Variants in ASTN2 observed in about 807,000 individuals in gnomAD.
ASTN2 encodes astrotactin 2.
Under a neutral mutation model 139.8 loss-of-function variants are expected in ASTN2, and 54 were observed. The ratio of observed to expected loss-of-function variants is 0.39; its 90% CI spans 0.31 to 0.48. ASTN2 has a LOEUF of 0.48. Among genes scored for constraint, ASTN2 ranks in the 20% least tolerant of loss-of-function variants. The pLI is 0.95. For missense variants in ASTN2, 1,565 were observed against 1,725.1 expected (o/e 0.91, Z 1.64); for synonymous variants, 756 against 719.5 (o/e 1.05, Z -0.81).
At chr9:116,561,183 C>G (rs1228699323) in intron 19 of ASTN2, among the ~76,000 whole-genome samples, 2 of 152,094 alleles carry the variant, frequency 1.3e-5, no homozygotes, top group East Asian at 3.9e-4. Context: ...TCCCTCTTGC[C>G]TAATATCCTC....
intron 16 of ASTN2, among the ~76,000 whole-genome samples, chr9:116,682,290 G>A (rs1293820298): frequency 6.6e-6 from 1 of 152,122 alleles, no homozygotes; most frequent in Non-Finnish European, 1.5e-5. Context: ...CACCATCACT[G>A]GCCATCAGAG....
At chr9:116,798,586 A>G (rs1292948634) in intron 13 of ASTN2, among the ~76,000 whole-genome samples, 10 of 152,174 alleles carry the variant, frequency 6.6e-5, no homozygotes, top group African/African-American at 2.4e-4. Flanking sequence ...TCAGTGTCTT[A>G]CAATGTGCTG....
At chr9:116,597,658 C>G (rs1854659371) in intron 19 of ASTN2, among the ~76,000 whole-genome samples, 1 of 151,696 alleles carries the variant, frequency 6.6e-6, no homozygotes, top group Admixed American at 6.6e-5. Flanking sequence ...TCAGTCAAGT[C>G]ACTTTTCTTC....
chr9:116,443,787 A>C (rs1457802665), intron 20 of ASTN2, among the ~76,000 whole-genome samples: 1 of 152,146 alleles, frequency 6.6e-6, no homozygotes, highest in Non-Finnish European at 1.5e-5. Context: ...GGGTAGAGGC[A>C]GTAGTGTGAA....
chr9:116,565,412 TA>T lies in ASTN2; in HGVS notation c.3355+52911del, dbSNP rs1564120508. ...CCATATATATATATATATATATATA[TA>T]TATATATATATATATATTTATTTAT... On this transcript the variant is annotated intron_variant, in intron 19 of 22. Transcript: ENST00000313400. Among the ~76,000 whole-genome samples the T allele has an allele frequency of 3.2e-4, 41 of 127,280 alleles. 2 individuals carry two copies. The highest frequency in any genetic ancestry group is 1.2e-3 in the African/African-American group (40 of 32,982). The allele number at this position is 127,280 out of a possible 152,430, so 83.5% of individuals were successfully genotyped here. A position where few individuals can be genotyped will look rare whatever the true frequency, so the allele number is the denominator to read the frequency against.
chr9:116,877,102 G>A (rs1204706844), intron 10 of ASTN2, among the ~76,000 whole-genome samples: 51 of 152,126 alleles, frequency 3.4e-4, no homozygotes, highest in Admixed American at 3.3e-3. Flanking sequence ...TACCCTATTT[G>A]GAAAAGTTTA....
At chr9:117,411,645 T>C (rs906229825) in intron 1 of ASTN2, among the ~76,000 whole-genome samples, 29 of 152,266 alleles carry the variant, frequency 1.9e-4, no homozygotes, top group African/African-American at 6.5e-4. Flanking sequence ...TCTTTTTGTT[T>C]GTCCCCCTTT....
intron 7 of ASTN2, among the ~76,000 whole-genome samples, chr9:117,004,490 C>T (rs7041743): frequency 0.91 from 138,534 of 152,122 alleles, 64,369 homozygotes; most frequent in Non-Finnish European, 1. Context: ...GAGGGAATGG[C>T]GGTTATAAAG....
chr9:117,321,813 C>T (rs1052001549), intron 1 of ASTN2, among the ~76,000 whole-genome samples: 4 of 152,164 alleles, frequency 2.6e-5, no homozygotes, highest in Non-Finnish European at 4.4e-5. Flanking sequence ...GGATGTTGAG[C>T]AGCCTCCCTG....
chr9:116,826,400 G>A (rs1588325655), intron 11 of ASTN2, among the ~76,000 whole-genome samples: 1 of 152,138 alleles, frequency 6.6e-6, no homozygotes, highest in African/African-American at 2.4e-5. Context: ...CAGGCTTGGG[G>A]CCGAGTTTGA....
At chr9:117,290,032 C>T (rs1217490056) in intron 2 of ASTN2, among the ~76,000 whole-genome samples, 3 of 152,186 alleles carry the variant, frequency 2.0e-5, no homozygotes, top group Non-Finnish European at 4.4e-5. Context: ...AAAGGTCGCT[C>T]CGTTGTGGAG....
At chr9:117,347,656 T>C (rs771651884) in intron 1 of ASTN2, among the ~76,000 whole-genome samples, 1 of 152,134 alleles carries the variant, frequency 6.6e-6, no homozygotes, top group Non-Finnish European at 1.5e-5. Flanking sequence ...ATAAAGCAAA[T>C]GTTTTTTCTG....
At chr9:117,099,469 T>C (rs953338079) in intron 4 of ASTN2, among the ~76,000 whole-genome samples, 1 of 152,234 alleles carries the variant, frequency 6.6e-6, no homozygotes, top group Non-Finnish European at 1.5e-5. Flanking sequence ...GACTTTATTC[T>C]TTCCCTACTG....
intron 2 of ASTN2, among the ~76,000 whole-genome samples, chr9:117,278,921 T>C (rs1834260449): frequency 6.6e-6 from 1 of 152,146 alleles, no homozygotes; most frequent in Non-Finnish European, 1.5e-5. Flanking sequence ...GAGATTTAGA[T>C]GGGAAGGCCA....
Position 116,440,782 on chromosome 9 carries a change from G to C in ASTN2, c.3609C>G (p.Asp1203Glu). 6.2e-7 allele frequency: 1 copy of C among 1,613,138 alleles called. No individual in the cohort carries two copies. Among genetic ancestry groups the C allele is most frequent in the East Asian group, 2.2e-5 (1 of 44,852 alleles). ...ACCCATTGTACAGATTGTAGATCTT[G>C]TCAGCTATTTCTGAGAGGGCAGAAG... is the stretch of plus-strand genomic sequence containing the variant. Reference protein sequence around the residue: ...VDDNKAEEIADKIYNLYNGYT... With the variant: ...VDDNKAEEIAEKIYNLYNGYT... Residue 1203 changes from aspartate (D) to glutamate (E), a missense_variant, in exon 22 of 23, where the codon GAC becomes GAG. This residue lies in a region of ASTN2 where 418 missense variants were observed against 465.8 expected (regional missense o/e 0.90). Coordinates refer to ENST00000313400, the MANE Select transcript of ASTN2 (RefSeq NM_001365068.1).
intron 19 of ASTN2, among the ~76,000 whole-genome samples, chr9:116,575,823 T>C (rs1316897631): frequency 6.6e-6 from 1 of 152,108 alleles, no homozygotes; most frequent in Non-Finnish European, 1.5e-5. Flanking sequence ...ACAGATTCAT[T>C]GCATAGTGAG....
chr9:117,189,516 T>C (rs1831293214), intron 3 of ASTN2, among the ~76,000 whole-genome samples: 1 of 152,202 alleles, frequency 6.6e-6, no homozygotes, highest in Non-Finnish European at 1.5e-5. Context: ...TGGGTCTCTG[T>C]TGAATGAAAT....
chr9:117,292,185 A>T (rs543207778), intron 1 of ASTN2, among the ~76,000 whole-genome samples: 94 of 152,212 alleles, frequency 6.2e-4, no homozygotes, highest in Non-Finnish European at 1.2e-3. Flanking sequence ...CAACGTTCTC[A>T]TATAGCCAGT....
intron 2 of ASTN2, among the ~76,000 whole-genome samples, chr9:117,246,814 G>A (rs1588129689): frequency 6.6e-6 from 1 of 152,296 alleles, no homozygotes; most frequent in Admixed American, 6.5e-5. Context: ...CTGGAGGTTA[G>A]GGGGTGAAAT....
Sources: allele counts gnomAD v4.1 joint callset (sites outside exome capture counted in the v4.1 genomes callset), GRCh38; gene constraint gnomAD v4.1.1; regional missense constraint gnomAD v4.1.1; transcripts MANE v1.5; gene names NCBI Gene and HGNC (gene_info 2026-07-23, HGNC 2026-07-21).